Variants in CD3E observed in about 807,000 individuals in gnomAD.
CD3E encodes the protein CD3 epsilon subunit of T-cell receptor complex, also known as T-cell surface glycoprotein CD3 epsilon chain.
Under a neutral mutation model 34.7 loss-of-function variants are expected in CD3E, and 16 were observed. That is an observed-to-expected ratio of 0.46 (90% CI 0.31 to 0.70). The LOEUF is 0.70. CD3E is among the 30% of genes least tolerant of loss of function. The probability of loss-of-function intolerance (pLI) is 0.05; values close to 1 mark genes in which losing one functional copy is unlikely to be tolerated. For missense variants in CD3E, 223 were observed against 253.9 expected (o/e 0.88, Z 0.83); for synonymous variants, 70 against 90.8 (o/e 0.77, Z 1.30).
chr11:118,312,570 C>T, intron 5 of CD3E, 48 bp from the exon 6 acceptor site: 10 of 1,613,490 alleles, frequency 6.2e-6, no homozygotes, highest in South Asian at 1.1e-5. Context: ...TTTGCCTTTT[C>T]TAAAATTGTC....
intron 2 of CD3E, among the ~76,000 whole-genome samples, chr11:118,306,858 C>A (rs1382941184): frequency 6.6e-6 from 1 of 152,126 alleles, no homozygotes; most frequent in Non-Finnish European, 1.5e-5. Context: ...AAAAACTGAA[C>A]CACCAGAAAA....
chr11:118,314,599 CCTCA>C, intron 8 of CD3E, 105 bp downstream of exon 8: 3 of 1,024,908 alleles, frequency 2.9e-6, no homozygotes. Context: ...CCTCAAAGCC[CCTCA>C]CTCAGGGCTT....
rs1357481311 is a variant in CD3E, at chr11:118,315,996, T to C, written c.*454T>C. 4.3e-6 allele frequency: 1 copy of C among 233,028 alleles called. No individual in the cohort carries two copies. Among genetic ancestry groups the C allele is most frequent in the East Asian group, 1.1e-4 (1 of 8,772 alleles). The allele number at this position is 233,028 out of a possible 1,614,324, so 14.4% of individuals were successfully genotyped here. ...ACAGAGGCCCTGCCCCGTTCACAGATCCTGGCCCTGAGCCAGCCCTGTGCT... is the reference window on the plus strand; with the variant it reads ...ACAGAGGCCCTGCCCCGTTCACAGACCCTGGCCCTGAGCCAGCCCTGTGCT... On this transcript the variant is annotated 3_prime_UTR_variant, in exon 9 of 9. Transcript: ENST00000361763.
chr11:118,306,486 GATAAATAAATAA>G (rs141298357), intron 2 of CD3E, among the ~76,000 whole-genome samples: 8,764 of 145,432 alleles, frequency 0.06, 389 homozygotes, highest in African/African-American at 0.12. Flanking sequence ...TCTCAAAATA[GATAAATAAATAA>G]ATAAATAAAT....
rs200719182 is a variant in CD3E, at chr11:118,312,216, T to C, written c.103+46T>C. 59 of 1,539,096 alleles carry C rather than the reference T, an allele frequency of 3.8e-5. No individual in the cohort carries two copies. In the Middle Eastern group the frequency reaches 8.4e-4, roughly 22 times the overall value. ...TTTATGCCCTGTCTGAGGATGCAGA[T>C]TGGTGGGTAGATGAGAAGGAACTGA... On this transcript the variant is annotated intron_variant, in intron 5 of 8. Coordinates refer to ENST00000361763, the MANE Select transcript of CD3E (RefSeq NM_000733.4).
intron 4 of CD3E, among the ~76,000 whole-genome samples, chr11:118,309,183 T>C (rs1368164460): frequency 2.0e-5 from 3 of 152,210 alleles, no homozygotes; most frequent in Non-Finnish European, 4.4e-5. Context: ...AGCATCATCA[T>C]GGTACAATGG....
chr11:118,306,034 G>A (rs1948103410), intron 2 of CD3E, among the ~76,000 whole-genome samples: 1 of 152,200 alleles, frequency 6.6e-6, no homozygotes, highest in Admixed American at 6.5e-5. Context: ...GACTGGAAAT[G>A]GAGATTCCGC....
At chr11:118,307,456 A>T (rs550465186) in intron 3 of CD3E, 148 bp downstream of exon 3, 4 of 684,610 alleles carry the variant, frequency 5.8e-6, no homozygotes, top group Non-Finnish European at 1.0e-5. Flanking sequence ...GACTTTCCTC[A>T]CAAGTCTGGA....
At chr11:118,311,810 G>A (rs958986841) in intron 4 of CD3E, among the ~76,000 whole-genome samples, 7 of 152,070 alleles carry the variant, frequency 4.6e-5, no homozygotes, top group Non-Finnish European at 1.0e-4. Flanking sequence ...ATACAGTTCT[G>A]GCTAATTTAA....
At chr11:118,313,226 C>G in intron 6 of CD3E, 1 of 371,792 alleles carries the variant, frequency 2.7e-6, no homozygotes, top group South Asian at 2.5e-5. Flanking sequence ...GCAAAAAACA[C>G]TCAAGGCCAC....
chr11:118,314,492 G>A lies in CD3E; in HGVS notation c.565G>A (p.Glu189Lys). ...ACCACCTGTTCCCAACCCAGACTAT[G>A]AGGTAACGTGGGATAGAAATGGGCC... ...RPPPVPNPDYEPIRKGQRDLY... is the reference protein window; with the variant it reads ...RPPPVPNPDYKPIRKGQRDLY... The change falls in exon 8 of 9, where the codon GAG (glutamate) becomes AAG (lysine). Residue 189 changes from glutamate to lysine, a missense_variant and splice_region_variant. Physicochemically the swap from Glu to Lys is moderately conservative, Grantham distance 56. Coordinates refer to ENST00000361763, the MANE Select transcript of CD3E (RefSeq NM_000733.4). The A allele has an allele frequency of 1.2e-6, 2 of 1,613,942 alleles. No homozygotes were observed. Among genetic ancestry groups the A allele is most frequent in the Non-Finnish European group, 1.7e-6 (2 of 1,179,860 alleles).
At chr11:118,314,288 G>T (rs1289319821) in intron 7 of CD3E, among the ~76,000 whole-genome samples, 160 bp from the exon 8 acceptor site, 1 of 151,136 alleles carries the variant, frequency 6.6e-6, no homozygotes, top group African/African-American at 2.4e-5. Context: ...AGAGATGAAT[G>T]AAAGAAAAAA....
intron 2 of CD3E, among the ~76,000 whole-genome samples, chr11:118,306,400 T>C (rs55942271): frequency 0.67 from 101,134 of 151,408 alleles, 34,087 homozygotes; most frequent in South Asian, 0.74. Flanking sequence ...GAGGCTGAGG[T>C]GGAAGGATCA....
rs1324805908 is a variant in CD3E at position 118,307,997 on chromosome 11, C to T, written c.71-430C>T. On this transcript the variant is annotated intron_variant, in intron 3 of 8. Transcript: ENST00000361763. ...CAGCCTGGCCAACATGGCGAAACCC[C>T]GTCTCTACTAAAAATACCAAAATCA... is the stretch of plus-strand genomic sequence containing the variant. Among the ~76,000 whole-genome samples the T allele has an allele frequency of 3.9e-5, 6 of 152,206 alleles. No individual in the cohort carries two copies. The East Asian group carries it at 9.7e-4, about 25-fold the overall frequency.
At chr11:118,315,230 C>T (rs905221997) in intron 8 of CD3E, among the ~76,000 whole-genome samples, 2 of 152,054 alleles carry the variant, frequency 1.3e-5, no homozygotes, top group South Asian at 4.1e-4. Flanking sequence ...TTAGCTTAAG[C>T]GAATTATTTA....
At chr11:118,309,227 A>T (rs114252464) in intron 4 of CD3E, among the ~76,000 whole-genome samples, 6 of 152,344 alleles carry the variant, frequency 3.9e-5, no homozygotes, top group African/African-American at 1.4e-4. Flanking sequence ...TAGGGTTATT[A>T]TGAGGACCAA....
rs1948139154 is a variant in CD3E at position 118,312,174 on chromosome 11, A to AGTG, written c.103+6_103+7insGGT. ...TCAGGTGGTATTACACAGACACGTGAGTTTATTGGTCTTTTATTTATGCCC... is the reference window on the plus strand; with the variant it reads ...TCAGGTGGTATTACACAGACACGTGAGTGGTTTATTGGTCTTTTATTTATGCCC... On this transcript the variant is annotated splice_donor_region_variant and intron_variant, in intron 5 of 8. Coordinates refer to ENST00000361763, the MANE Select transcript of CD3E (RefSeq NM_000733.4). 6.2e-7 allele frequency: 1 copy of AGTG among 1,610,736 alleles called. No individual in the cohort carries two copies. The highest frequency in any genetic ancestry group is 1.1e-5 in the South Asian group (1 of 91,010).
At position 118,307,310 on chromosome 11, in the gene CD3E, T is replaced by C. The variant is rs755091165; in HGVS notation, c.70+2T>C. The stretch of plus-strand genomic sequence containing the variant: ...TAGTTGGCGTTTGGGGGCAAGATGG[T>C]GAGATATGCTTTCTTTCTTTCTTTT... On this transcript the variant is annotated splice_donor_variant, in intron 3 of 8. Transcript: ENST00000361763. LOFTEE classifies it high-confidence loss of function. 5 of 1,605,138 alleles carry C rather than the reference T, an allele frequency of 3.1e-6. No homozygotes were observed. Among genetic ancestry groups the C allele is most frequent in the Non-Finnish European group, 4.3e-6 (5 of 1,173,726 alleles).
intron 4 of CD3E, among the ~76,000 whole-genome samples, chr11:118,309,136 G>A (rs930491549): frequency 1.3e-5 from 2 of 152,194 alleles, no homozygotes; most frequent in Non-Finnish European, 1.5e-5. Flanking sequence ...TACTTGCTGG[G>A]TGTGTTTGAG....
Sources: gnomAD v4.1 joint callset for allele counts (sites outside exome capture counted in the v4.1 genomes callset) on GRCh38, gnomAD v4.1.1 for gene constraint, MANE v1.5 for transcripts, NCBI Gene and HGNC (gene_info 2026-07-23, HGNC 2026-07-21) for gene names.